TANGO6: variants seen among roughly 807,000 people sequenced by gnomAD.
TANGO6 encodes transport and Golgi organization protein 6 homolog.
In TANGO6, 90 loss-of-function variants were observed where a neutral mutation model predicts 114.2. The observed-to-expected ratio is 0.79, with a 90% CI of 0.66 to 0.94. TANGO6 has a LOEUF of 0.94. Ranked by LOEUF, TANGO6 falls within the 40% of genes least tolerant of loss-of-function variation. The pLI, the probability that TANGO6 is intolerant of heterozygous loss-of-function variation, is 0.00. For synonymous variants in TANGO6, 477 were observed against 509.8 expected (o/e 0.94, Z 0.87); for missense variants, 1,274 against 1,315.3 (o/e 0.97, Z 0.49).
intron 17 of TANGO6, among the ~76,000 whole-genome samples, chr16:69,063,894 T>C (rs956210817): frequency 1.3e-5 from 2 of 151,278 alleles, no homozygotes; most frequent in African/African-American, 4.9e-5. Flanking sequence ...TGGAGTGCAA[T>C]GGCACGATCT....
chr16:68,886,934 A>G (rs1962547536), intron 7 of TANGO6, among the ~76,000 whole-genome samples: 1 of 151,602 alleles, frequency 6.6e-6, no homozygotes, highest in Non-Finnish European at 1.5e-5. Flanking sequence ...CAGCCTCCCA[A>G]GAAGCTGGGA....
intron 17 of TANGO6, among the ~76,000 whole-genome samples, chr16:69,054,213 C>T (rs1959997184): frequency 6.6e-6 from 1 of 152,224 alleles, no homozygotes; most frequent in Admixed American, 6.5e-5. Context: ...ATCGCACTCT[C>T]ATCTGTGTCT....
At chr16:69,051,395 G>T (rs532235633) in intron 17 of TANGO6, among the ~76,000 whole-genome samples, 16 of 152,186 alleles carry the variant, frequency 1.1e-4, no homozygotes, top group Middle Eastern at 3.4e-3. Context: ...AATACAAAAG[G>T]CTGGGCACAA....
At chr16:68,906,297 G>A (rs1567536646) in intron 9 of TANGO6, among the ~76,000 whole-genome samples, 1 of 152,108 alleles carries the variant, frequency 6.6e-6, no homozygotes, top group Non-Finnish European at 1.5e-5. Flanking sequence ...GAACCTTTAT[G>A]CATTTTCTTA....
chr16:69,079,536 G>A (rs1246436762), intron 17 of TANGO6, among the ~76,000 whole-genome samples: 1 of 151,504 alleles, frequency 6.6e-6, no homozygotes, highest in Admixed American at 6.6e-5. Flanking sequence ...TGCCAACTGG[G>A]AGAAAAATAT....
At chr16:68,987,099 AC>A (rs1158696918) in intron 15 of TANGO6, among the ~76,000 whole-genome samples, 1 of 152,126 alleles carries the variant, frequency 6.6e-6, no homozygotes, top group Non-Finnish European at 1.5e-5. Flanking sequence ...GGCTGGCCAT[AC>A]CACAATTGAC....
In TANGO6 at chr16:68,902,498, C is replaced by T; in HGVS notation, c.1661C>T (p.Ala554Val). 1 of 1,608,254 alleles carries T rather than the reference C, an allele frequency of 6.2e-7. No homozygotes were observed. Among genetic ancestry groups the T allele is most frequent in the Non-Finnish European group, 8.5e-7 (1 of 1,177,738 alleles). Residue 554 changes from alanine to valine, a missense_variant, in exon 9 of 18, where the codon GCC becomes GTC. By Grantham distance (64) the Ala-to-Val change is moderately conservative. Transcript: ENST00000261778. ...GGCATTATGATTACCATCAAAGAGG[C>T]CATTAGGTGAGTCCACCCATCCGTT... ...QGGIMITIKE[A>V]ISDEDEDEAL...
rs528931732 is a variant in TANGO6 at position 69,072,986 on chromosome 16, C to G, written c.3109-10499C>G. Among the ~76,000 whole-genome samples the G allele has an allele frequency of 6.6e-5, 10 of 151,118 alleles. No individual in the cohort carries two copies. The South Asian group carries it at 2.1e-3, about 32-fold the overall frequency. Reference sequence around the variant, plus strand: ...AAAGGAAAAAAAAAAAAAAGATGACCTTGTAACAAACACTGGAGGATGGGG... The same window carrying G: ...AAAGGAAAAAAAAAAAAAAGATGACGTTGTAACAAACACTGGAGGATGGGG... On this transcript the variant is annotated intron_variant, in intron 17 of 17. Transcript: ENST00000261778.
chr16:68,979,485 C>T (rs937076251), intron 15 of TANGO6, among the ~76,000 whole-genome samples: 1 of 152,156 alleles, frequency 6.6e-6, no homozygotes, highest in Non-Finnish European at 1.5e-5. Context: ...CCACCTCAGC[C>T]TCCCAAAGTG....
intron 7 of TANGO6, among the ~76,000 whole-genome samples, chr16:68,884,576 A>G (rs1193823403): frequency 1.3e-5 from 2 of 152,174 alleles, no homozygotes; most frequent in South Asian, 2.1e-4. Flanking sequence ...ATGATGAAAA[A>G]CTGCCAAGTG....
intron 17 of TANGO6, among the ~76,000 whole-genome samples, chr16:69,051,939 T>G (rs996478294): frequency 6.6e-6 from 1 of 151,122 alleles, no homozygotes; most frequent in African/African-American, 2.4e-5. Context: ...TTTCTTTCTT[T>G]CTTTTTCTTT....
chr16:68,856,191 T>G (rs1398045981), intron 1 of TANGO6, among the ~76,000 whole-genome samples: 3 of 152,248 alleles, frequency 2.0e-5, no homozygotes, highest in Non-Finnish European at 1.5e-5. Flanking sequence ...ATAGACATCC[T>G]GTGTTTATTT....
chr16:69,020,936 GT>G (rs1274133860), intron 15 of TANGO6, among the ~76,000 whole-genome samples: 5 of 148,798 alleles, frequency 3.4e-5, no homozygotes, highest in African/African-American at 1.3e-4. Flanking sequence ...GTGTGTGTGT[GT>G]GTGTGGTGTG....
intron 17 of TANGO6, among the ~76,000 whole-genome samples, chr16:69,052,188 C>G (rs947284591): frequency 5.9e-5 from 9 of 151,540 alleles, no homozygotes; most frequent in Non-Finnish European, 1.3e-4. Flanking sequence ...TAGGCTCAAG[C>G]AATCCTGCCA....
At chr16:68,985,445 C>T (rs891579906) in intron 15 of TANGO6, among the ~76,000 whole-genome samples, 3 of 152,162 alleles carry the variant, frequency 2.0e-5, no homozygotes. Context: ...TGCAGTGACT[C>T]ATGCCTGTAA....
chr16:69,060,029 C>T (rs1293168752), intron 17 of TANGO6, among the ~76,000 whole-genome samples: 1 of 152,170 alleles, frequency 6.6e-6, no homozygotes, highest in Non-Finnish European at 1.5e-5. Flanking sequence ...CATCCTGATT[C>T]CTGCCTCCAC....
chr16:69,051,258 C>T (rs750726009), intron 17 of TANGO6, among the ~76,000 whole-genome samples: 40 of 152,112 alleles, frequency 2.6e-4, no homozygotes, highest in Middle Eastern at 3.4e-3. Flanking sequence ...AATTTACTTT[C>T]GGCTGAGCAC....
intron 14 of TANGO6, among the ~76,000 whole-genome samples, chr16:68,939,719 A>C (rs1200609474): frequency 1.3e-5 from 2 of 152,214 alleles, no homozygotes; most frequent in Non-Finnish European, 1.5e-5. Context: ...GCAGATATGC[A>C]TGTGCATATG....
At chr16:68,853,630 T>C (rs1277494250) in intron 1 of TANGO6, among the ~76,000 whole-genome samples, 2 of 152,194 alleles carry the variant, frequency 1.3e-5, no homozygotes, top group African/African-American at 4.8e-5. Context: ...AAAATGTATA[T>C]TGTGTATTAA....
Sources: allele counts gnomAD v4.1 joint callset (sites outside exome capture counted in the v4.1 genomes callset), GRCh38; gene constraint gnomAD v4.1.1; transcripts MANE v1.5; gene names NCBI Gene and HGNC (gene_info 2026-07-23, HGNC 2026-07-21).